The following GALNTL6 variants were observed in gnomAD, a reference collection of about 807,000 sequenced individuals.
The protein encoded by GALNTL6 is polypeptide N-acetylgalactosaminyltransferase-like 6.
In GALNTL6, 46 loss-of-function variants were observed where a neutral mutation model predicts 73.7. The ratio of observed to expected loss-of-function variants is 0.62; its 90% confidence interval spans 0.49 to 0.80. The LOEUF is 0.80. Ranked by LOEUF, GALNTL6 falls within the 30% of genes least tolerant of loss-of-function variation. The pLI is 0.00. For synonymous variants in GALNTL6, 259 were observed against 263.7 expected, an observed-to-expected ratio of 0.98 and a Z score of 0.17; for missense variants, 604 against 755.0, an observed-to-expected ratio of 0.80 and a Z score of 2.34.
intron 12 of GALNTL6, among the ~76,000 whole-genome samples, chr4:173,039,068 G>T (rs1937668745): frequency 6.6e-6 from 1 of 152,202 alleles, no homozygotes; most frequent in African/African-American, 2.4e-5. Flanking sequence ...AATTAAAAGA[G>T]GGTGTGTGTT....
chr4:172,064,801 T>C (rs1411418954), intron 2 of GALNTL6, among the ~76,000 whole-genome samples: 1 of 152,182 alleles, frequency 6.6e-6, no homozygotes, highest in African/African-American at 2.4e-5. Context: ...TTGTGCCTTT[T>C]CTTCACCTCC....
intron 2 of GALNTL6, among the ~76,000 whole-genome samples, chr4:172,140,542 T>C (rs1560939189): frequency 6.6e-6 from 1 of 152,042 alleles, no homozygotes; most frequent in Non-Finnish European, 1.5e-5. Flanking sequence ...ATTTTCTCCA[T>C]TTTCCACACA....
intron 5 of GALNTL6, among the ~76,000 whole-genome samples, chr4:172,456,632 C>G (rs1053909658): frequency 6.6e-6 from 1 of 151,428 alleles, no homozygotes; most frequent in African/African-American, 2.4e-5. Context: ...TGAAATAAAG[C>G]GTGAAGACAA....
chr4:173,009,108 C>A lies in GALNTL6; in HGVS notation c.1372-70C>A, dbSNP rs1459176578. On this transcript the variant is annotated intron_variant, in intron 10 of 12. Coordinates refer to ENST00000506823, the MANE Select transcript of GALNTL6 (RefSeq NM_001034845.3). ...AATCTATGTCTTACTTAATCTACAC[C>A]ATGGTTGTTAGGAGCCAATGATAAA... The A allele has an allele frequency of 5.1e-6, 5 of 984,298 alleles. No homozygotes were observed. The Admixed American group carries it at 8.6e-5, about 17-fold the overall frequency. 61.0% of individuals were successfully genotyped at this position (984,298 alleles called of 1,614,324 possible).
rs117841299 is a variant in GALNTL6, at chr4:172,108,016, T to C, written c.139-121640T>C. Among the ~76,000 whole-genome samples, 7 of 152,306 alleles carry C rather than the reference T, an allele frequency of 4.6e-5. No individual in the cohort carries two copies. In the East Asian group the frequency reaches 1.2e-3, roughly 25 times the overall value. Reference sequence around the variant, plus strand: ...CTAGTAGTTACATAAGTATTCAAAGTCCAGCAACTTCAAGTAGCTACAAAA... The same window carrying C: ...CTAGTAGTTACATAAGTATTCAAAGCCCAGCAACTTCAAGTAGCTACAAAA... On this transcript the variant is annotated intron_variant, in intron 2 of 12. Transcript: ENST00000506823.
At chr4:172,765,977 A>G (rs554355675) in intron 5 of GALNTL6, among the ~76,000 whole-genome samples, 1 of 152,170 alleles carries the variant, frequency 6.6e-6, no homozygotes, top group South Asian at 2.1e-4. Context: ...TTAGAGAAAG[A>G]AAAAAGGAAA....
intron 12 of GALNTL6, among the ~76,000 whole-genome samples, chr4:173,032,862 G>A (rs1218572732): frequency 3.2e-4 from 48 of 152,070 alleles, no homozygotes; most frequent in Admixed American, 2.9e-3. Context: ...GAGAATTGAG[G>A]ATAGATTGTG....
In GALNTL6 at chr4:171,988,761, A is replaced by T. The variant is rs146477096; in HGVS notation, c.138+174043A>T. On this transcript the variant is annotated intron_variant, in intron 2 of 12. Coordinates refer to ENST00000506823, the MANE Select transcript of GALNTL6 (RefSeq NM_001034845.3). ...AGGCTTTAATCTTTTCAAAGCGTGC[A>T]GTGGGATGGGATATTGGCATTGAGC... Among the ~76,000 whole-genome samples the T allele has an allele frequency of 2.8e-3, 427 of 152,198 alleles. 3 individuals are homozygous for T. Among genetic ancestry groups the T allele is most frequent in the East Asian group, 4.6e-3 (24 of 5,166 alleles).
chr4:173,017,798 C>T (rs79689775), intron 11 of GALNTL6, among the ~76,000 whole-genome samples: 2,130 of 152,256 alleles, frequency 0.014, 21 homozygotes, highest in Non-Finnish European at 0.02. Flanking sequence ...TAAGGATGCC[C>T]TCAGATATAA....
At chr4:172,069,522 G>GTGTTATATATATTATA (rs1731460902) in intron 2 of GALNTL6, among the ~76,000 whole-genome samples, 1 of 56,032 alleles carries the variant, frequency 1.8e-5, no homozygotes, top group Non-Finnish European at 3.3e-5. Flanking sequence ...TATGTTATAT[G>GTGTTATATATATTATA]TATAACACAT....
chr4:172,734,642 G>A (rs910524863), intron 5 of GALNTL6, among the ~76,000 whole-genome samples: 1 of 152,178 alleles, frequency 6.6e-6, no homozygotes, highest in Non-Finnish European at 1.5e-5. Context: ...AGGATACAGA[G>A]CACCTCCTGG....
intron 2 of GALNTL6, among the ~76,000 whole-genome samples, chr4:172,158,087 A>G (rs1734339334): frequency 6.6e-6 from 1 of 152,218 alleles, no homozygotes; most frequent in Non-Finnish European, 1.5e-5. Context: ...TGACCTCAAT[A>G]TGCTGTTGGC....
At chr4:171,844,421 C>T (rs1434048347) in intron 2 of GALNTL6, among the ~76,000 whole-genome samples, 1 of 152,012 alleles carries the variant, frequency 6.6e-6, no homozygotes, top group Non-Finnish European at 1.5e-5. Flanking sequence ...CTTGGGAAAC[C>T]CTGGTAGTTT....
chr4:172,698,813 A>C (rs1042268871), intron 5 of GALNTL6, among the ~76,000 whole-genome samples: 3 of 152,162 alleles, frequency 2.0e-5, no homozygotes, highest in Non-Finnish European at 4.4e-5. Context: ...GCAACCTTCA[A>C]AATTCTTTTT....
intron 2 of GALNTL6, among the ~76,000 whole-genome samples, chr4:171,947,967 GTTA>G (rs1184179271): frequency 1.3e-5 from 2 of 152,102 alleles, no homozygotes; most frequent in Admixed American, 6.5e-5. Context: ...TCATATAAAT[GTTA>G]TTATATATTT....
chr4:172,742,451 A>G (rs1720822045), intron 5 of GALNTL6, among the ~76,000 whole-genome samples: 1 of 151,406 alleles, frequency 6.6e-6, no homozygotes, highest in Non-Finnish European at 1.5e-5. Context: ...AGAGATACCA[A>G]AGTGGCTATG....
chr4:172,343,173 C>T (rs1741629833), intron 4 of GALNTL6, among the ~76,000 whole-genome samples: 1 of 152,054 alleles, frequency 6.6e-6, no homozygotes, highest in African/African-American at 2.4e-5. Context: ...AAAAATAAAG[C>T]CATACTTTGA....
intron 5 of GALNTL6, among the ~76,000 whole-genome samples, chr4:172,428,512 C>G (rs1731309937): frequency 6.6e-6 from 1 of 152,172 alleles, no homozygotes; most frequent in Admixed American, 6.5e-5. Flanking sequence ...GCATTACCAT[C>G]AGTCCACAGC....
intron 8 of GALNTL6, among the ~76,000 whole-genome samples, chr4:172,913,953 G>T (rs1189216358): frequency 1.3e-5 from 2 of 152,134 alleles, no homozygotes; most frequent in Non-Finnish European, 2.9e-5. Flanking sequence ...GAGTCATCAA[G>T]ATTGAAATGA....
Sources: allele counts gnomAD v4.1 joint callset (sites outside exome capture counted in the v4.1 genomes callset), GRCh38; gene constraint gnomAD v4.1.1; transcripts MANE v1.5; gene names NCBI Gene and HGNC (gene_info 2026-07-23, HGNC 2026-07-21).